Variants in PRKD1 observed in about 807,000 individuals in gnomAD.
PRKD1 encodes the protein serine/threonine-protein kinase D1.
Under a neutral mutation model 95.9 loss-of-function variants are expected in PRKD1, and 63 were observed. That is an observed-to-expected ratio of 0.66 (90% CI 0.54 to 0.81). The LOEUF (loss-of-function observed/expected upper bound fraction) is 0.81, where lower values mean the gene tolerates loss of function less well. PRKD1 is among the 30% of genes least tolerant of loss of function. The pLI is 0.00. For synonymous variants in PRKD1, 425 were observed against 423.1 expected (o/e 1.00, Z -0.05); for missense variants, 1,048 against 1,165.3 (o/e 0.90, Z 1.47).
intron 1 of PRKD1, among the ~76,000 whole-genome samples, chr14:29,745,209 C>T (rs1451372688): frequency 6.6e-6 from 1 of 152,116 alleles, no homozygotes; most frequent in Non-Finnish European, 1.5e-5. Flanking sequence ...GTCCTGCTTC[C>T]TTTTAATCAG....
At chr14:29,626,336 T>A (rs184326804) in intron 12 of PRKD1, 148 bp downstream of exon 12, 48 of 648,946 alleles carry the variant, frequency 7.4e-5, no homozygotes, top group Non-Finnish European at 1.0e-4. Context: ...CTCAAAAAAA[T>A]TTTTTAAACG....
intron 4 of PRKD1, among the ~76,000 whole-genome samples, chr14:29,662,012 T>C (rs1882218585): frequency 6.6e-6 from 1 of 152,212 alleles, no homozygotes; most frequent in Non-Finnish European, 1.5e-5. Flanking sequence ...GGTTATTTAA[T>C]TTGGTTACAT....
At chr14:29,861,255 T>C (rs1222083526) in intron 1 of PRKD1, among the ~76,000 whole-genome samples, 2 of 152,150 alleles carry the variant, frequency 1.3e-5, no homozygotes, top group Non-Finnish European at 2.9e-5. Context: ...GTGCCACTTC[T>C]CACAAACTGA....
intron 4 of PRKD1, among the ~76,000 whole-genome samples, chr14:29,653,496 T>C (rs929139401): frequency 2.6e-5 from 4 of 152,164 alleles, no homozygotes; most frequent in African/African-American, 9.6e-5. Flanking sequence ...TGCTGTGTCA[T>C]CAATTATATC....
chr14:29,639,682 C>T (rs1047442736), intron 4 of PRKD1, among the ~76,000 whole-genome samples: 2 of 151,436 alleles, frequency 1.3e-5, no homozygotes, highest in Non-Finnish European at 3.0e-5. Flanking sequence ...GAAAAAAATG[C>T]CTTACAGTTC....
intron 4 of PRKD1, among the ~76,000 whole-genome samples, chr14:29,653,795 A>G (rs1881663162): frequency 6.6e-6 from 1 of 152,222 alleles, no homozygotes; most frequent in African/African-American, 2.4e-5. Context: ...ATAATACATA[A>G]AGACTATAAG....
chr14:29,690,071 T>C (rs1373169828), intron 2 of PRKD1, among the ~76,000 whole-genome samples: 2 of 152,162 alleles, frequency 1.3e-5, no homozygotes, highest in Non-Finnish European at 2.9e-5. Flanking sequence ...TGGCACGTGT[T>C]TACCTATGTA....
intron 1 of PRKD1, among the ~76,000 whole-genome samples, chr14:29,826,860 T>TATATAC (rs1555348630): frequency 1.0e-5 from 1 of 98,902 alleles, no homozygotes; most frequent in Non-Finnish European, 2.0e-5. Flanking sequence ...TATATATATA[T>TATATAC]ATATATATAT....
intron 16 of PRKD1, among the ~76,000 whole-genome samples, chr14:29,582,305 T>C (rs1892779680): frequency 6.6e-6 from 1 of 152,200 alleles, no homozygotes; most frequent in Non-Finnish European, 1.5e-5. Flanking sequence ...GAGAATCCAT[T>C]CTTTCCCCCT....
chr14:29,760,908 G>T (rs780127605), intron 1 of PRKD1, among the ~76,000 whole-genome samples: 3 of 152,016 alleles, frequency 2.0e-5, no homozygotes, highest in African/African-American at 7.2e-5. Context: ...GCATATCTTT[G>T]TCAGCCAGAT....
chr14:29,795,382 T>A (rs1223409186), intron 1 of PRKD1, among the ~76,000 whole-genome samples: 10 of 152,138 alleles, frequency 6.6e-5, no homozygotes, highest in Admixed American at 6.6e-4. Context: ...GGAAAGTTTA[T>A]CTTCCTCTGT....
At chr14:29,759,445 C>T (rs1054799474) in intron 1 of PRKD1, among the ~76,000 whole-genome samples, 1 of 152,140 alleles carries the variant, frequency 6.6e-6, no homozygotes, top group African/African-American at 2.4e-5. Context: ...GATAAATGTG[C>T]TAAGTATCTT....
intron 3 of PRKD1, among the ~76,000 whole-genome samples, chr14:29,664,297 A>C (rs972752453): frequency 1.3e-5 from 2 of 152,138 alleles, no homozygotes; most frequent in African/African-American, 4.8e-5. Context: ...CCTGGAACAA[A>C]GTTTCACCTC....
chr14:29,694,600 G>A (rs916973573), intron 2 of PRKD1, among the ~76,000 whole-genome samples: 5 of 152,212 alleles, frequency 3.3e-5, no homozygotes, highest in Non-Finnish European at 7.3e-5. Flanking sequence ...GCCACTGGAG[G>A]AGACAGAAAA....
chr14:29,887,870 G>A (rs1468177884), intron 1 of PRKD1, among the ~76,000 whole-genome samples: 1 of 152,084 alleles, frequency 6.6e-6, no homozygotes, highest in African/African-American at 2.4e-5. Flanking sequence ...TACACTCTAT[G>A]GCATTCACAC....
chr14:29,859,271 A>G (rs1892618755), intron 1 of PRKD1, among the ~76,000 whole-genome samples: 1 of 152,036 alleles, frequency 6.6e-6, no homozygotes, highest in Admixed American at 6.6e-5. Context: ...GGAGATTGAG[A>G]CCACCCTGGC....
At chr14:29,583,997 T>C (rs760958157) in intron 16 of PRKD1, among the ~76,000 whole-genome samples, 2 of 152,172 alleles carry the variant, frequency 1.3e-5, no homozygotes, top group Non-Finnish European at 2.9e-5. Flanking sequence ...AACATTCTCT[T>C]TTAGCAGAAT....
chr14:29,651,297 G>A (rs1000214075), intron 4 of PRKD1, among the ~76,000 whole-genome samples: 1 of 152,252 alleles, frequency 6.6e-6, no homozygotes, highest in Non-Finnish European at 1.5e-5. Flanking sequence ...TCAGTGCATG[G>A]CTACACAAAA....
At chr14:29,599,289 A>G (rs1893425139) in intron 14 of PRKD1, among the ~76,000 whole-genome samples, 164 bp from the exon 15 acceptor site, 1 of 152,218 alleles carries the variant, frequency 6.6e-6, no homozygotes, top group East Asian at 1.9e-4. Flanking sequence ...AGAAATTTCA[A>G]TGAAAAAATT....
Sources: allele counts gnomAD v4.1 joint callset (sites outside exome capture counted in the v4.1 genomes callset), GRCh38; gene constraint gnomAD v4.1.1; transcripts MANE v1.5; gene names NCBI Gene and HGNC (gene_info 2026-07-23, HGNC 2026-07-21).